MTFR1: variants seen among roughly 807,000 people sequenced by gnomAD.
MTFR1 encodes the protein chondrocyte protein with a poly-proline region.
Under a neutral mutation model 38.8 loss-of-function variants are expected in MTFR1, and 28 were observed. That is an observed-to-expected ratio of 0.72 (90% confidence interval 0.53 to 0.99). The LOEUF (loss-of-function observed/expected upper bound fraction) is 0.99. Among genes scored for constraint, MTFR1 ranks in the 50% least tolerant of loss-of-function variants. The pLI is 0.00. For missense variants in MTFR1, 358 were observed against 395.5 expected (o/e 0.91, Z 0.81); for synonymous variants, 145 against 137.0 (o/e 1.06, Z -0.41).
At chr8:65,673,177 A>G (rs867961026) in intron 2 of MTFR1, among the ~76,000 whole-genome samples, 11 of 152,202 alleles carry the variant, frequency 7.2e-5, no homozygotes, top group Admixed American at 1.3e-4. Context: ...AGATCATTGT[A>G]GCGTTAAACT....
intron 1 of MTFR1, among the ~76,000 whole-genome samples, chr8:65,649,508 G>A (rs1327143704): frequency 6.6e-6 from 1 of 151,964 alleles, no homozygotes; most frequent in African/African-American, 2.4e-5. Flanking sequence ...TTTTATTTTT[G>A]TGGGTACATA....
chr8:65,745,367 T>TAG, intron 3 of MTFR1: 1 of 1,139,806 alleles, frequency 8.8e-7, no homozygotes, highest in East Asian at 2.3e-5. Flanking sequence ...TGCAGTAATC[T>TAG]AGACTACATT....
intron 1 of MTFR1, among the ~76,000 whole-genome samples, chr8:65,648,677 G>A (rs981978673): frequency 2.6e-5 from 4 of 152,126 alleles, no homozygotes; most frequent in African/African-American, 9.7e-5. Flanking sequence ...TACAACTGGA[G>A]TTGACTGGTG....
chr8:65,649,614 C>T (rs1323385677), intron 1 of MTFR1, among the ~76,000 whole-genome samples: 2 of 152,096 alleles, frequency 1.3e-5, no homozygotes, highest in African/African-American at 2.4e-5. Flanking sequence ...GGGGTATCCA[C>T]CTCAAGTATT....
chr8:65,661,117 T>C (rs1417883007), intron 1 of MTFR1, among the ~76,000 whole-genome samples: 2 of 152,188 alleles, frequency 1.3e-5, no homozygotes, highest in South Asian at 4.1e-4. Flanking sequence ...GTGAAACTAT[T>C]CTGTATGATA....
At chr8:65,664,932 AATT>A (rs1804335588) in intron 1 of MTFR1, among the ~76,000 whole-genome samples, 1 of 142,540 alleles carries the variant, frequency 7.0e-6, no homozygotes, top group Non-Finnish European at 1.5e-5. Context: ...TTTAAAAAAA[AATT>A]TTTTTTTTTT....
At chr8:65,772,284 T>C (rs1809120968), downstream of MTFR1, among the ~76,000 whole-genome samples, 1 of 152,210 alleles carries the variant, frequency 6.6e-6, no homozygotes, top group African/African-American at 2.4e-5. Context: ...GAAACTATTT[T>C]TATTTCAGCA....
chr8:65,733,624 G>GAA (rs1188600241), intron 3 of MTFR1, among the ~76,000 whole-genome samples: 1 of 149,364 alleles, frequency 6.7e-6, no homozygotes, highest in Non-Finnish European at 1.5e-5. Flanking sequence ...GTCTCTTAGA[G>GAA]AAAAAAAAAC....
At chr8:65,697,787 G>A (rs879654532) in intron 4 of MTFR1, among the ~76,000 whole-genome samples, 4 of 152,160 alleles carry the variant, frequency 2.6e-5, no homozygotes, top group African/African-American at 7.2e-5. Flanking sequence ...AATAGCTAAT[G>A]ATGTTAAACA....
intron 1 of MTFR1, among the ~76,000 whole-genome samples, chr8:65,651,379 C>G (rs544556362): frequency 1.3e-5 from 2 of 152,166 alleles, no homozygotes; most frequent in Non-Finnish European, 2.9e-5. Flanking sequence ...ATTGCCCAGA[C>G]CAATGTCCTG....
At chr8:65,750,654 A>G (rs1807902729) in intron 3 of MTFR1, among the ~76,000 whole-genome samples, 2 of 152,154 alleles carry the variant, frequency 1.3e-5, no homozygotes, top group African/African-American at 4.8e-5. Context: ...ATGGTAGGAT[A>G]CATACTGTCA....
At chr8:65,749,736 A>G (rs1419261593) in intron 3 of MTFR1, among the ~76,000 whole-genome samples, 1 of 152,254 alleles carries the variant, frequency 6.6e-6, no homozygotes, top group Non-Finnish European at 1.5e-5. Flanking sequence ...CTAAGGTCAC[A>G]TACCCAATAT....
downstream of MTFR1, among the ~76,000 whole-genome samples, chr8:65,773,184 AAC>A (rs1301011896): frequency 3.9e-5 from 6 of 152,158 alleles, no homozygotes; most frequent in Non-Finnish European, 5.9e-5. Flanking sequence ...CATTTCACAA[AAC>A]ACACTAGATT....
chr8:65,701,772 C>T (rs1363777848), intron 4 of MTFR1, among the ~76,000 whole-genome samples: 1 of 152,084 alleles, frequency 6.6e-6, no homozygotes, highest in Non-Finnish European at 1.5e-5. Flanking sequence ...GGAAGATCCC[C>T]AACCTCTTAG....
At chr8:65,731,590 C>T (rs556596597) in intron 3 of MTFR1, 1 of 152,256 alleles carries the variant, frequency 6.6e-6, no homozygotes, top group South Asian at 2.1e-4. Flanking sequence ...AGACTTTGGG[C>T]TCAACTTGAA....
intron 2 of MTFR1, among the ~76,000 whole-genome samples, chr8:65,672,515 C>CTT (rs199668673): frequency 1.1e-3 from 163 of 148,390 alleles, no homozygotes; most frequent in Non-Finnish European, 2.1e-3. Flanking sequence ...CAGTGAATCA[C>CTT]TTTTTTTTTT....
chr8:65,654,277 A>G lies in MTFR1; in HGVS notation c.-81+9493A>G, dbSNP rs554285414. ...TGTTTCTGTTACTTTATTGTTTTTTAGTTATTTTTAATGGAATTAATATGT... is the reference window on the plus strand; with the variant it reads ...TGTTTCTGTTACTTTATTGTTTTTTGGTTATTTTTAATGGAATTAATATGT... On this transcript the variant is annotated intron_variant, in intron 1 of 7. Coordinates refer to ENST00000262146, the MANE Select transcript of MTFR1 (RefSeq NM_014637.4). 3.9e-5 allele frequency among the ~76,000 whole-genome samples: 6 copies of G among 152,148 alleles called. No individual in the cohort carries two copies. In the East Asian group the frequency reaches 9.7e-4, roughly 24 times the overall value.
intron 2 of MTFR1, among the ~76,000 whole-genome samples, chr8:65,680,199 T>G (rs1179591302): frequency 2.0e-5 from 3 of 152,166 alleles, no homozygotes; most frequent in Admixed American, 2.0e-4. Flanking sequence ...GGTCTCACTC[T>G]GTTGCTTAGG....
Position 65,688,163 on chromosome 8 carries a change from G to A in MTFR1, c.166-5481G>A, listed in dbSNP as rs561533237. Among the ~76,000 whole-genome samples the A allele has an allele frequency of 1.4e-4, 21 of 149,844 alleles. 1 individual carries two copies. The highest frequency in any genetic ancestry group is 5.1e-4 in the African/African-American group (21 of 40,824). ...CACCTATAATCCCAGCACTTTGGAA[G>A]GCTGAGGCAGGTGGATTACTTGAAG... On this transcript the variant is annotated intron_variant, in intron 3 of 7. Transcript: ENST00000262146.
Sources: gnomAD v4.1 joint callset for allele counts (sites outside exome capture counted in the v4.1 genomes callset) on GRCh38, gnomAD v4.1.1 for gene constraint, MANE v1.5 for transcripts, NCBI Gene and HGNC (gene_info 2026-07-23, HGNC 2026-07-21) for gene names.